The following GSK3B variants were observed in gnomAD, a reference collection of about 807,000 sequenced individuals.
The protein encoded by GSK3B is glycogen synthase kinase 3 beta.
GSK3B carries 15 observed loss-of-function variants against 56.4 expected under a neutral mutation model. The ratio of observed to expected loss-of-function variants is 0.27; its 90% confidence interval spans 0.18 to 0.41. GSK3B has a LOEUF of 0.41. Ranked by LOEUF, GSK3B falls within the 10% of genes least tolerant of loss-of-function variation. GSK3B has a pLI of 1.00. For synonymous variants in GSK3B, 181 were observed against 188.9 expected (o/e 0.96, Z 0.34); for missense variants, 300 against 513.4 (o/e 0.58, Z 4.02).
intron 2 of GSK3B, among the ~76,000 whole-genome samples, chr3:119,964,853 G>A (rs929129731): frequency 6.6e-6 from 1 of 152,064 alleles, no homozygotes. Flanking sequence ...TGTGGTGATG[G>A]TAAGATGAGC....
chr3:120,085,814 A>T, intron 1 of GSK3B, among the ~76,000 whole-genome samples: 1 of 152,208 alleles, frequency 6.6e-6, no homozygotes, highest in South Asian at 2.1e-4. Context: ...TTGAGAAAAA[A>T]AAAAAAGTAT....
chr3:119,864,787 G>C (rs1192428162), intron 8 of GSK3B, among the ~76,000 whole-genome samples: 14 of 152,176 alleles, frequency 9.2e-5, no homozygotes. Flanking sequence ...ATTTATGAGT[G>C]CTGTCTACAG....
chr3:119,878,862 T>C (rs925352518), intron 7 of GSK3B, among the ~76,000 whole-genome samples: 4 of 152,168 alleles, frequency 2.6e-5, no homozygotes, highest in Non-Finnish European at 5.9e-5. Context: ...CACATTCATA[T>C]GGAATTCTAG....
At chr3:119,876,976 A>G (rs2056322197) in intron 7 of GSK3B, among the ~76,000 whole-genome samples, 1 of 152,126 alleles carries the variant, frequency 6.6e-6, no homozygotes, top group African/African-American at 2.4e-5. Context: ...TATTGTTTAT[A>G]TATTATCCAG....
At position 119,923,486 on chromosome 3, in the gene GSK3B, G is replaced by C; in HGVS notation, c.367-3C>G. 1 of 1,465,968 alleles carries C rather than the reference G, an allele frequency of 6.8e-7. No individual in the cohort carries two copies. The highest frequency in any genetic ancestry group is 9.4e-7 in the Non-Finnish European group (1 of 1,065,502). 90.8% of individuals were successfully genotyped at this position (1,465,968 alleles called of 1,614,324 possible). On this transcript the variant is annotated splice_polypyrimidine_tract_variant and splice_region_variant and intron_variant, in intron 3 of 10. Coordinates refer to ENST00000264235, the MANE Select transcript of GSK3B (RefSeq NM_001146156.2). ...AGATTAAGATAGACCTCATCTTTCT[G>C]AAAGAGTTTATTTAAAAAAACAAAA...
rs921834705 is a variant in GSK3B at position 120,043,248 on chromosome 3, A to C, written c.89-41009T>G. Among the ~76,000 whole-genome samples the C allele has an allele frequency of 3.9e-5, 6 of 152,092 alleles. No individual in the cohort carries two copies. In the East Asian group the frequency reaches 9.6e-4, roughly 24 times the overall value. On this transcript the variant is annotated intron_variant, in intron 1 of 10. Transcript: ENST00000264235. Reference sequence around the variant, plus strand: ...GACCCATCACACCCGAGTCAAGAAAACACCACCACCTCCAGAGTCATGGGC... The same window carrying C: ...GACCCATCACACCCGAGTCAAGAAACCACCACCACCTCCAGAGTCATGGGC...
chr3:119,954,326 A>C (rs1012684760), intron 2 of GSK3B, among the ~76,000 whole-genome samples: 1 of 150,944 alleles, frequency 6.6e-6, no homozygotes, highest in South Asian at 2.1e-4. Context: ...AACAGAACAG[A>C]ACAGCATAGC....
intron 9 of GSK3B, among the ~76,000 whole-genome samples, chr3:119,862,642 C>T (rs1328727727): frequency 6.9e-6 from 1 of 145,224 alleles, no homozygotes; most frequent in Non-Finnish European, 1.5e-5. Context: ...AGTATGCTTA[C>T]TAATCAATAT....
chr3:119,913,947 T>C (rs1030815104), intron 5 of GSK3B, among the ~76,000 whole-genome samples: 1 of 152,104 alleles, frequency 6.6e-6, no homozygotes, highest in South Asian at 2.1e-4. Context: ...AGGAGACTGT[T>C]ATATCTTCTA....
At chr3:120,042,461 TAAAC>T (rs963143202) in intron 1 of GSK3B, among the ~76,000 whole-genome samples, 6 of 152,286 alleles carry the variant, frequency 3.9e-5, no homozygotes, top group Admixed American at 1.3e-4. Flanking sequence ...TGAAAACTGA[TAAAC>T]AAACTATAAA....
intron 8 of GSK3B, among the ~76,000 whole-genome samples, chr3:119,863,965 T>C (rs1342092884): frequency 3.3e-5 from 5 of 152,246 alleles, no homozygotes; most frequent in Non-Finnish European, 5.9e-5. Flanking sequence ...AAATAAAAGA[T>C]TGCCTCTTTT....
At chr3:119,918,562 T>C (rs1416410353) in intron 4 of GSK3B, among the ~76,000 whole-genome samples, 4 of 152,076 alleles carry the variant, frequency 2.6e-5, no homozygotes, top group Admixed American at 2.6e-4. Flanking sequence ...AACTCAAATA[T>C]AATTAACACA....
chr3:120,018,329 A>G (rs1409168905), intron 1 of GSK3B, among the ~76,000 whole-genome samples: 1 of 152,194 alleles, frequency 6.6e-6, no homozygotes, highest in Admixed American at 6.5e-5. Context: ...AAACCCACAT[A>G]TACAGAGGGC....
At position 120,051,360 on chromosome 3, in the gene GSK3B, C is replaced by T. The variant is rs530062827; in HGVS notation, c.88+41987G>A. ...TGTACTATGTAGGGAAGCTGTAACA[C>T]TGAAGGAAATAAAGATAAAATAGCT... On this transcript the variant is annotated intron_variant, in intron 1 of 10. Coordinates refer to ENST00000264235, the MANE Select transcript of GSK3B (RefSeq NM_001146156.2). Among the ~76,000 whole-genome samples the T allele has an allele frequency of 5.9e-5, 9 of 152,038 alleles. No homozygotes were observed. In the South Asian group the frequency reaches 1.9e-3, roughly 32 times the overall value.
At chr3:119,860,736 AG>A (rs2056090725) in intron 9 of GSK3B, among the ~76,000 whole-genome samples, 2 of 152,272 alleles carry the variant, frequency 1.3e-5, no homozygotes, top group African/African-American at 4.8e-5. Flanking sequence ...AATAACAACC[AG>A]AGGGAACATT....
At position 120,065,482 on chromosome 3, in the gene GSK3B, C is replaced by T. The variant is rs548745120; in HGVS notation, c.88+27865G>A. On this transcript the variant is annotated intron_variant, in intron 1 of 10. Transcript: ENST00000264235. ...ATAGAAATAAGGCTTGAAGAAGATG[C>T]GGAGAAATGGGAACCCTACTACACT... Among the ~76,000 whole-genome samples the T allele has an allele frequency of 7.9e-4, 120 of 152,092 alleles. 4 individuals carry two copies. In the South Asian group the frequency reaches 0.022, roughly 28 times the overall value.
chr3:119,828,185 TA>T (rs1480516955), intron 10 of GSK3B, among the ~76,000 whole-genome samples: 1 of 152,218 alleles, frequency 6.6e-6, no homozygotes, highest in African/African-American at 2.4e-5. Flanking sequence ...TACTTTGCCC[TA>T]ATCTTTTAGA....
intron 2 of GSK3B, among the ~76,000 whole-genome samples, chr3:119,965,028 ATTATG>A (rs2057305781): frequency 6.8e-6 from 1 of 146,796 alleles, no homozygotes; most frequent in Admixed American, 6.8e-5. Flanking sequence ...TTTTTGTAAT[ATTATG>A]TTTTCTTTTT....
intron 7 of GSK3B, among the ~76,000 whole-genome samples, chr3:119,898,880 T>C (rs140368652): frequency 6.6e-6 from 1 of 152,334 alleles, no homozygotes; most frequent in African/African-American, 2.4e-5. Flanking sequence ...TGTAAAGTTC[T>C]GTGAATGTAG....
Sources: allele counts gnomAD v4.1 joint callset (sites outside exome capture counted in the v4.1 genomes callset), GRCh38; gene constraint gnomAD v4.1.1; transcripts MANE v1.5; gene names NCBI Gene and HGNC (gene_info 2026-07-23, HGNC 2026-07-21).